Variants in PSMD1 observed in about 807,000 individuals in gnomAD.
PSMD1 encodes the protein 26S proteasome non-ATPase regulatory subunit 1.
In PSMD1, 18 loss-of-function variants were observed where a neutral mutation model predicts 119.0. The ratio of observed to expected loss-of-function variants is 0.15; its 90% CI spans 0.10 to 0.22. PSMD1 has a LOEUF of 0.22. Among genes scored for constraint, PSMD1 ranks in the 10% least tolerant of loss-of-function variants. PSMD1 has a pLI of 1.00. For missense variants in PSMD1, 702 were observed against 1,158.5 expected (o/e 0.61, Z 5.72); for synonymous variants, 374 against 396.6 (o/e 0.94, Z 0.68).
intron 18 of PSMD1, 129 bp from the exon 19 acceptor site, chr2:231,153,435 A>G: frequency 1.4e-6 from 1 of 703,888 alleles, no homozygotes; most frequent in African/African-American, 1.8e-5. Flanking sequence ...AGTCTGGTCC[A>G]TATCCCTCTC....
At chr2:231,101,368 C>T (rs982701715) in intron 16 of PSMD1, among the ~76,000 whole-genome samples, 8 of 152,188 alleles carry the variant, frequency 5.3e-5, no homozygotes, top group Non-Finnish European at 1.0e-4. Flanking sequence ...GAAAGGTTTG[C>T]ATCTTTCCCT....
At chr2:231,100,515 G>T (rs899546558) in intron 16 of PSMD1, among the ~76,000 whole-genome samples, 5 of 152,148 alleles carry the variant, frequency 3.3e-5, no homozygotes, top group African/African-American at 1.2e-4. Context: ...AATGAGTTAG[G>T]GTGGAGCAGG....
chr2:231,078,361 T>A lies in PSMD1; in HGVS notation c.1072-298T>A, dbSNP rs116707117. ...AACACCTTGGAGACCTTGGGCAAGA[T>A]GGAGAAGAGAAAAAGCAAGTTTAAT... On this transcript the variant is annotated intron_variant, in intron 9 of 24. Coordinates refer to ENST00000308696, the MANE Select transcript of PSMD1 (RefSeq NM_002807.4). Among the ~76,000 whole-genome samples the A allele has an allele frequency of 1.9e-3, 294 of 152,278 alleles. 2 individuals are homozygous for A. Among genetic ancestry groups the A allele is most frequent in the African/African-American group, 6.8e-3 (282 of 41,558 alleles).
At chr2:231,083,172 A>G (rs1438991122) in intron 13 of PSMD1, among the ~76,000 whole-genome samples, 178 bp downstream of exon 13, 2 of 152,230 alleles carry the variant, frequency 1.3e-5, no homozygotes, top group Admixed American at 6.5e-5. Flanking sequence ...TTTGTGATAT[A>G]TAGGCTTTCT....
chr2:231,108,500 G>T, intron 16 of PSMD1: 3 of 1,597,722 alleles, frequency 1.9e-6, no homozygotes, highest in South Asian at 1.1e-5. Context: ...TATGTTTGAT[G>T]ACAACTGCCA....
chr2:231,147,453 TGCCACTGC>T, intron 18 of PSMD1, among the ~76,000 whole-genome samples: 1 of 152,292 alleles, frequency 6.6e-6, no homozygotes, highest in Middle Eastern at 3.4e-3. Context: ...GCTGTGGTTG[TGCCACTGC>T]ACTCCAGCCT....
intron 16 of PSMD1, among the ~76,000 whole-genome samples, chr2:231,132,249 T>C (rs889611742): frequency 2.0e-5 from 3 of 152,254 alleles, no homozygotes; most frequent in African/African-American, 7.2e-5. Context: ...ATATTTTATT[T>C]ACTCTTTTAT....
At chr2:231,123,630 C>G in intron 16 of PSMD1, 19 of 1,614,136 alleles carry the variant, frequency 1.2e-5, no homozygotes, top group Non-Finnish European at 1.6e-5. Context: ...CCTCAACAAT[C>G]TGTTTCATTT....
rs751682132 is a variant in PSMD1 at position 231,144,418 on chromosome 2, A to ATT, written c.1999-1791_1999-1790dup. ...AGGCACCCGCCACCACGCCCAGCTA[A>ATT]TTTTTTTTTTTTTTTTTTTTTTTTT... On this transcript the variant is annotated intron_variant, in intron 17 of 24. Transcript: ENST00000308696. Among the ~76,000 whole-genome samples the ATT allele has an allele frequency of 4.1e-3, 307 of 75,208 alleles. 9 individuals are homozygous for ATT. Among genetic ancestry groups the ATT allele is most frequent in the East Asian group, 6.8e-3 (15 of 2,212 alleles). The allele number at this position is 75,208 out of a possible 152,430, so 49.3% of individuals were successfully genotyped here.
intron 16 of PSMD1, among the ~76,000 whole-genome samples, chr2:231,116,374 A>G (rs1278228731): frequency 6.6e-6 from 1 of 152,144 alleles, no homozygotes; most frequent in Non-Finnish European, 1.5e-5. Flanking sequence ...TTTAAAAGGC[A>G]GGTAATTATT....
intron 5 of PSMD1, 82 bp downstream of exon 5, chr2:231,067,193 C>A: frequency 1.9e-6 from 2 of 1,074,384 alleles, no homozygotes; most frequent in South Asian, 1.9e-5. Context: ...CTTTCATAGG[C>A]AGTGAAAAGA....
At chr2:231,108,577 A>G (rs1574734175) in intron 16 of PSMD1, 1 of 1,613,990 alleles carries the variant, frequency 6.2e-7, no homozygotes, top group Non-Finnish European at 8.5e-7. Context: ...GGAGAAGCGT[A>G]TCTAGTAGAA....
At chr2:231,117,506 G>A (rs1402309683) in intron 16 of PSMD1, among the ~76,000 whole-genome samples, 1 of 152,066 alleles carries the variant, frequency 6.6e-6, no homozygotes, top group Non-Finnish European at 1.5e-5. Flanking sequence ...ATTACAGACT[G>A]AATATTAAAG....
intron 16 of PSMD1, among the ~76,000 whole-genome samples, chr2:231,129,009 C>T (rs777617334): frequency 6.6e-6 from 1 of 152,054 alleles, no homozygotes; most frequent in East Asian, 1.9e-4. Context: ...GACTGCTATA[C>T]CTGGAATTAT....
At chr2:231,080,396 A>C in intron 12 of PSMD1, 82 bp downstream of exon 12, 1 of 1,206,082 alleles carries the variant, frequency 8.3e-7, no homozygotes, top group Middle Eastern at 2.1e-4. Flanking sequence ...TAGTGACTGG[A>C]GATTTTGTAG....
intron 24 of PSMD1, among the ~76,000 whole-genome samples, chr2:231,171,338 G>A (rs1310706646): frequency 6.6e-6 from 1 of 152,200 alleles, no homozygotes; most frequent in Non-Finnish European, 1.5e-5. Context: ...CCACAAGGCT[G>A]TGTCCATTGA....
rs943816287 is a variant in PSMD1 at position 231,056,972 on chromosome 2, A to G, written c.-54A>G. 6.5e-7 allele frequency: 1 copy of G among 1,539,204 alleles called. No individual in the cohort carries two copies. Among genetic ancestry groups the G allele is most frequent in the Non-Finnish European group, 8.7e-7 (1 of 1,143,690 alleles). ...CTGAGCGGCCCCTGAGCTGACAGAT[A>G]CACTGCGCAGCTGGAACGGCGAGCG... On this transcript the variant is annotated 5_prime_UTR_variant, in exon 1 of 25. The change creates a new upstream start codon in the 5' untranslated region. Transcript: ENST00000308696.
chr2:231,108,174 T>A, intron 16 of PSMD1: 1 of 260,628 alleles, frequency 3.8e-6, no homozygotes, highest in Non-Finnish European at 7.4e-6. Context: ...TTTATTTCAT[T>A]CTTAGCACAA....
chr2:231,153,553 T>C lies in PSMD1; in HGVS notation c.2116-11T>C. 1 of 1,575,354 alleles carries C rather than the reference T, an allele frequency of 6.3e-7. No individual in the cohort carries two copies. ...AGACTTAGACTATAATTCTTTCTCTTGCTCCTTCAGGTGAATCAGTTCAGA... is the reference window on the plus strand; with the variant it reads ...AGACTTAGACTATAATTCTTTCTCTCGCTCCTTCAGGTGAATCAGTTCAGA... On this transcript the variant is annotated splice_polypyrimidine_tract_variant and intron_variant, in intron 18 of 24. Transcript: ENST00000308696.
Sources: allele counts gnomAD v4.1 joint callset (sites outside exome capture counted in the v4.1 genomes callset), GRCh38; gene constraint gnomAD v4.1.1; transcripts MANE v1.5; gene names NCBI Gene and HGNC (gene_info 2026-07-23, HGNC 2026-07-21).